SLC16A12: variants seen among roughly 807,000 people sequenced by gnomAD.
The protein encoded by SLC16A12 is solute carrier family 16 member 12.
In SLC16A12, 17 loss-of-function variants were observed where a neutral mutation model predicts 42.4. The observed-to-expected ratio is 0.40, with a 90% CI of 0.27 to 0.60. The LOEUF is 0.60. SLC16A12 is among the 20% of genes least tolerant of loss of function. The probability of loss-of-function intolerance (pLI) is 0.42; values close to 1 mark genes in which losing one functional copy is unlikely to be tolerated. For missense variants in SLC16A12, 544 were observed against 623.0 expected, an observed-to-expected ratio of 0.87 and a Z score of 1.35; for synonymous variants, 224 against 229.4, an observed-to-expected ratio of 0.98 and a Z score of 0.21.
intron 2 of SLC16A12, among the ~76,000 whole-genome samples, chr10:89,480,296 T>A (rs981788678): frequency 1.3e-5 from 2 of 152,224 alleles, no homozygotes; most frequent in African/African-American, 4.8e-5. Context: ...CTCTGATAAT[T>A]ACTAGCTCTG....
intron 2 of SLC16A12, among the ~76,000 whole-genome samples, chr10:89,499,325 T>A (rs1460192383): frequency 6.6e-6 from 1 of 152,138 alleles, no homozygotes; most frequent in Non-Finnish European, 1.5e-5. Context: ...CAGGCCGAGA[T>A]GGGTGGATCA....
At position 89,497,548 on chromosome 10, in the gene SLC16A12, T is replaced by C. The variant is rs115139578; in HGVS notation, c.-46-34924A>G. Among the ~76,000 whole-genome samples the C allele has an allele frequency of 4.5e-3, 681 of 152,170 alleles. 2 individuals are homozygous for C. Among genetic ancestry groups the C allele is most frequent in the African/African-American group, 0.015 (620 of 41,526 alleles). ...AGCACAGAGGAAGAATTCTACATGG[T>C]GTGGGGGAAACAGCACTGTATTAGG... On this transcript the variant is annotated intron_variant, in intron 2 of 7. Transcript: ENST00000371790.
At chr10:89,463,027 T>C (rs1842328779) in intron 2 of SLC16A12, 1 of 175,940 alleles carries the variant, frequency 5.7e-6, no homozygotes, top group Admixed American at 5.6e-5. Flanking sequence ...GATGTGGATA[T>C]GAAACGACTT....
intron 7 of SLC16A12, among the ~76,000 whole-genome samples, chr10:89,433,841 G>A (rs1841733919): frequency 6.6e-6 from 1 of 152,128 alleles, no homozygotes; most frequent in Admixed American, 6.6e-5. Flanking sequence ...TTTAGCAGTT[G>A]CAAATGCAAA....
rs117944839 is a variant in SLC16A12 at position 89,462,131 on chromosome 10, C to T, written c.200+248G>A. ...AGAATCACATACTTTGCAAAGGAAA[C>T]GATACCTGAGCAGTCAACGGAAATA... is the stretch of plus-strand genomic sequence containing the variant. On this transcript the variant is annotated intron_variant, in intron 3 of 7. Transcript: ENST00000371790. Among the ~76,000 whole-genome samples the T allele has an allele frequency of 2.1e-4, 32 of 151,570 alleles. No individual in the cohort carries two copies. The East Asian group carries it at 2.5e-3, about 12-fold the overall frequency.
Position 89,519,986 on chromosome 10 carries a change from G to A in SLC16A12, c.-47+14515C>T, listed in dbSNP as rs544009626. Among the ~76,000 whole-genome samples, 145 of 151,590 alleles carry A rather than the reference G, an allele frequency of 9.6e-4. 2 individuals carry two copies. In the South Asian group the frequency reaches 0.012, roughly 13 times the overall value. ...AAATTAGTTGGATGTGGTGGTGGGC[G>A]CCTGTAATCCCAGCTACTCGGGAGG... On this transcript the variant is annotated intron_variant, in intron 2 of 7. Coordinates refer to ENST00000371790, the MANE Select transcript of SLC16A12 (RefSeq NM_213606.4).
intron 1 of SLC16A12, among the ~76,000 whole-genome samples, chr10:89,534,947 G>T (rs1843628211): frequency 6.6e-6 from 1 of 152,008 alleles, no homozygotes. Context: ...ACGCTTTTCC[G>T]AGTCCACAAT....
chr10:89,446,651 A>G (rs1362785733), intron 3 of SLC16A12, among the ~76,000 whole-genome samples: 1 of 152,232 alleles, frequency 6.6e-6, no homozygotes, highest in Non-Finnish European at 1.5e-5. Flanking sequence ...CCACTGCAAA[A>G]ACATGCCAAA....
Position 89,456,837 on chromosome 10 carries a change from T to A in SLC16A12, c.200+5542A>T, listed in dbSNP as rs549521292. ...TGTTCCTGTGTTAGCTTCCTGAGGT[T>A]AATGGCTTCCAGCTCCATTCATGTC... On this transcript the variant is annotated intron_variant, in intron 3 of 7. Transcript: ENST00000371790. 8.2e-4 allele frequency among the ~76,000 whole-genome samples: 125 copies of A among 152,322 alleles called. No individual in the cohort carries two copies. The Middle Eastern group carries it at 0.01, about 12-fold the overall frequency.
chr10:89,521,699 G>GT (rs2133855718), intron 2 of SLC16A12, among the ~76,000 whole-genome samples: 1 of 152,300 alleles, frequency 6.6e-6, no homozygotes, highest in East Asian at 1.9e-4. Context: ...AAATGAAAGA[G>GT]GGAGGAGGAG....
intron 2 of SLC16A12, among the ~76,000 whole-genome samples, chr10:89,550,136 C>G (rs1217910363): frequency 6.6e-6 from 1 of 152,136 alleles, no homozygotes; most frequent in Non-Finnish European, 1.5e-5. Flanking sequence ...GCCATCTCCT[C>G]TCTCCCACTA....
In SLC16A12 at chr10:89,436,048, C is replaced by T. The variant is rs1841779782; in HGVS notation, c.1288+12G>A. ...GAGAAAAGGTGGTTGGGGTTTCTCTCTGGAAACTTACCTGCGATGGGTGGG... is the reference window on the plus strand; with the variant it reads ...GAGAAAAGGTGGTTGGGGTTTCTCTTTGGAAACTTACCTGCGATGGGTGGG... On this transcript the variant is annotated intron_variant, in intron 7 of 7. Transcript: ENST00000371790. The T allele has an allele frequency of 6.2e-7, 1 of 1,613,628 alleles. No individual in the cohort carries two copies. Among genetic ancestry groups the T allele is most frequent in the African/African-American group, 1.3e-5 (1 of 75,004 alleles).
In SLC16A12 at chr10:89,432,997, G is replaced by A. The variant is rs1402807186; in HGVS notation, c.*67C>T. On this transcript the variant is annotated 3_prime_UTR_variant, in exon 8 of 8. Transcript: ENST00000371790. Reference sequence around the variant, plus strand: ...CCTTCTGCCAAAATAAAAAGTTTCAGAAACATGAAGAATCTGGTGGCCCCA... The same window carrying A: ...CCTTCTGCCAAAATAAAAAGTTTCAAAAACATGAAGAATCTGGTGGCCCCA... 1 of 1,586,224 alleles carries A rather than the reference G, an allele frequency of 6.3e-7. No homozygotes were observed. Among genetic ancestry groups the A allele is most frequent in the African/African-American group, 1.4e-5 (1 of 73,044 alleles).
At chr10:89,480,242 G>C (rs1842643754) in intron 2 of SLC16A12, among the ~76,000 whole-genome samples, 1 of 152,196 alleles carries the variant, frequency 6.6e-6, no homozygotes, top group Non-Finnish European at 1.5e-5. Context: ...ACATGGAACA[G>C]TGCCCTTGGC....
chr10:89,488,463 T>C (rs1292914758), intron 2 of SLC16A12, among the ~76,000 whole-genome samples: 1 of 152,216 alleles, frequency 6.6e-6, no homozygotes, highest in Non-Finnish European at 1.5e-5. Flanking sequence ...TTCATTTTCC[T>C]TTCTGAATTA....
intron 2 of SLC16A12, among the ~76,000 whole-genome samples, chr10:89,500,477 T>C (rs1015946789): frequency 1.3e-5 from 2 of 151,990 alleles, no homozygotes; most frequent in African/African-American, 4.8e-5. Context: ...AGTGTGAATG[T>C]AGGGATGGTT....
chr10:89,499,749 A>G (rs1356107056), intron 2 of SLC16A12, among the ~76,000 whole-genome samples: 1 of 152,138 alleles, frequency 6.6e-6, no homozygotes. Flanking sequence ...AACTAGAGAA[A>G]CAAGAACAAA....
At chr10:89,527,493 T>A (rs931494067) in intron 2 of SLC16A12, among the ~76,000 whole-genome samples, 24 of 146,044 alleles carry the variant, frequency 1.6e-4, no homozygotes, top group Admixed American at 3.4e-4. Flanking sequence ...AAAAAAAAAA[T>A]AATAAAACTA....
intron 2 of SLC16A12, among the ~76,000 whole-genome samples, chr10:89,554,621 CT>C (rs1250890827): frequency 6.6e-6 from 1 of 152,054 alleles, no homozygotes; most frequent in Non-Finnish European, 1.5e-5. Context: ...CAGAGCTGCT[CT>C]TTCTGTTTGT....
Sources: gnomAD v4.1 joint callset for allele counts (sites outside exome capture counted in the v4.1 genomes callset) on GRCh38, gnomAD v4.1.1 for gene constraint, MANE v1.5 for transcripts, NCBI Gene and HGNC (gene_info 2026-07-23, HGNC 2026-07-21) for gene names.